Variants in TRIM37 observed in about 807,000 individuals in gnomAD.
The protein encoded by TRIM37 is tripartite motif containing 37.
TRIM37 carries 80 observed loss-of-function variants against 129.8 expected under a neutral mutation model. The ratio of observed to expected loss-of-function variants is 0.62; its 90% confidence interval spans 0.51 to 0.74. The LOEUF (loss-of-function observed/expected upper bound fraction) is 0.74. Ranked by LOEUF, TRIM37 falls within the 30% of genes least tolerant of loss-of-function variation. TRIM37 has a pLI of 0.00. For synonymous variants in TRIM37, 389 were observed against 387.1 expected, an observed-to-expected ratio of 1.00 and a Z score of -0.06; for missense variants, 1,054 against 1,176.5, an observed-to-expected ratio of 0.90 and a Z score of 1.52.
chr17:59,031,797 C>T (rs2073065564), intron 18 of TRIM37, 99 bp downstream of exon 18: 3 of 1,202,236 alleles, frequency 2.5e-6, no homozygotes, highest in East Asian at 2.4e-5. Context: ...CACAGAAATA[C>T]ACCATGTTCC....
chr17:59,087,979 C>T (rs2043926640), intron 4 of TRIM37: 1 of 533,864 alleles, frequency 1.9e-6, no homozygotes, highest in East Asian at 3.2e-5. Context: ...ATCACTGTGT[C>T]CCCATTAAAC....
At chr17:58,978,986 A>C (rs984659516), downstream of TRIM37, among the ~76,000 whole-genome samples, 13 of 152,118 alleles carry the variant, frequency 8.5e-5, no homozygotes, top group Non-Finnish European at 1.6e-4. Flanking sequence ...ACTCCCTAAC[A>C]GTTGCCTCTG....
intron 8 of TRIM37, among the ~76,000 whole-genome samples, chr17:59,073,764 T>C (rs2042583688): frequency 6.6e-6 from 1 of 152,214 alleles, no homozygotes; most frequent in Non-Finnish European, 1.5e-5. Flanking sequence ...ATCTCAATAC[T>C]GTTTTGTTAA....
rs35675752 is a variant in TRIM37, at chr17:59,007,231, C to CCACACACACACACACACACACACA, written c.2695+5096_2695+5097insTGTGTGTGTGTGTGTGTGTGTGTG. 3.3e-4 allele frequency among the ~76,000 whole-genome samples: 32 copies of CCACACACACACACACACACACACA among 97,546 alleles called. 1 individual carries two copies. The highest frequency in any genetic ancestry group is 1.2e-3 in the African/African-American group (29 of 24,294). 64.0% of individuals were successfully genotyped at this position (97,546 alleles called of 152,430 possible). ...CTAAAACCACCCCACCCCCACCCAC[C>CCACACACACACACACACACACACA]CACACACACACACACGTTCCTGATG... On this transcript the variant is annotated intron_variant, in intron 22 of 23. Transcript: ENST00000262294.
downstream of TRIM37, among the ~76,000 whole-genome samples, chr17:58,979,181 A>G (rs183322576): frequency 3.9e-5 from 6 of 152,328 alleles, no homozygotes; most frequent in Non-Finnish European, 5.9e-5. Flanking sequence ...ATGCACAATA[A>G]CAATAAAGAC....
chr17:58,995,009 A>G (rs539084333), downstream of TRIM37, among the ~76,000 whole-genome samples: 79 of 152,174 alleles, frequency 5.2e-4, no homozygotes, highest in Non-Finnish European at 7.5e-4. Context: ...TCAGCCTCCC[A>G]AAGTACTGGG....
chr17:59,097,345 A>G (rs994734860), intron 2 of TRIM37, among the ~76,000 whole-genome samples: 5 of 152,122 alleles, frequency 3.3e-5, no homozygotes, highest in Non-Finnish European at 7.3e-5. Context: ...AAGAAGTGAA[A>G]TTATCTTTTT....
chr17:59,037,358 A>G (rs549674031), intron 17 of TRIM37, among the ~76,000 whole-genome samples: 51 of 151,796 alleles, frequency 3.4e-4, no homozygotes, highest in Non-Finnish European at 6.6e-4. Flanking sequence ...GGAGATCGAG[A>G]CCATCCTGGC....
Position 59,062,790 on chromosome 17 carries a change from C to T in TRIM37, c.861-142G>A, listed in dbSNP as rs190713118. 5.2e-5 allele frequency: 37 copies of T among 707,444 alleles called. No individual in the cohort carries two copies. The East Asian group carries it at 8.9e-4, about 17-fold the overall frequency. 43.8% of individuals were successfully genotyped at this position (707,444 alleles called of 1,614,324 possible). On this transcript the variant is annotated intron_variant, in intron 10 of 23. Transcript: ENST00000262294. ...CAAGGTGACTGAACAGGTCAAAATT[C>T]CACTGTAAAAGTTTAGATATGCTTA...
Position 59,104,376 on chromosome 17 carries a change from G to T in TRIM37, c.40C>A (p.Arg14=). The change falls in exon 2 of 24, where the codon CGA becomes AGA. Residue 14 remains arginine (R), a synonymous_variant. Coordinates refer to ENST00000262294, the MANE Select transcript of TRIM37 (RefSeq NM_015294.6). ...AATTTCTCCATACAAATGAAACATC[G>T]GAAAACCTCAGCAATGCTCTGAAAA... is the stretch of plus-strand genomic sequence containing the variant. ...QSVESIAEVF[R]CFICMEKLRD... 1 of 1,614,080 alleles carries T rather than the reference G, an allele frequency of 6.2e-7. No homozygotes were observed. The highest frequency in any genetic ancestry group is 8.5e-7 in the Non-Finnish European group (1 of 1,180,024).
In TRIM37 at chr17:59,045,545, A is replaced by C. The variant is rs191218941; in HGVS notation, c.1667+2138T>G. ...TCCCAGCTACTTGGGAGGCTGAGGC[A>C]GGAGAATCGCCTGAACCCGGGAGGC... On this transcript the variant is annotated intron_variant, in intron 16 of 23. Transcript: ENST00000262294. Among the ~76,000 whole-genome samples, 1,473 of 150,706 alleles carry C rather than the reference A, an allele frequency of 9.8e-3. 17 individuals carry two copies. Among genetic ancestry groups the C allele is most frequent in the African/African-American group, 0.034 (1,414 of 41,050 alleles).
intron 5 of TRIM37, 53 bp from the exon 6 acceptor site, chr17:59,081,272 A>G: frequency 6.3e-7 from 1 of 1,596,224 alleles, no homozygotes; most frequent in South Asian, 1.1e-5. Context: ...ATCTGCATTT[A>G]CATTCCTTTG....
At chr17:59,014,620 C>G (rs886783349) in intron 21 of TRIM37, among the ~76,000 whole-genome samples, 17 of 151,286 alleles carry the variant, frequency 1.1e-4, no homozygotes, top group Admixed American at 8.6e-4. Context: ...GTTAAAGTTG[C>G]TGTAAGTGCT....
At chr17:59,062,460 A>T (rs1007865264) in intron 11 of TRIM37, 107 bp downstream of exon 11, 4 of 905,432 alleles carry the variant, frequency 4.4e-6, no homozygotes, top group Admixed American at 2.1e-5. Context: ...AGCATATGTA[A>T]CAAAAAAAAG....
At chr17:59,062,881 A>G (rs1001105426) in intron 10 of TRIM37, among the ~76,000 whole-genome samples, 7 of 152,120 alleles carry the variant, frequency 4.6e-5, no homozygotes, top group South Asian at 2.1e-4. Context: ...GTTTCAGGGG[A>G]AAAAAAACCC....
rs766059485 is a variant in TRIM37 at position 59,079,820 on chromosome 17, T to G, written c.550A>C (p.Asn184His). The change falls in exon 7 of 24, where the codon AAT becomes CAT. Residue 184 changes from asparagine (N) to histidine (H), a missense_variant. Physicochemically the swap from Asn to His is moderately conservative, Grantham distance 68. Around this residue, in one of 3 missense-constraint regions of TRIM37, gnomAD observed 752 missense variants for 870.8 expected, o/e 0.86. Coordinates refer to ENST00000262294, the MANE Select transcript of TRIM37 (RefSeq NM_015294.6). ...CGTGCAATCATCATCTCCACTGCAT[T>G]CCTAATTTCCCGAACACGCTCATCT... ...AKDERVREIR[N>H]AVEMMIARLD... The G allele has an allele frequency of 6.2e-7, 1 of 1,614,094 alleles. No individual in the cohort carries two copies. Among genetic ancestry groups the G allele is most frequent in the Non-Finnish European group, 8.5e-7 (1 of 1,179,972 alleles).
At chr17:59,055,685 C>CAAAAAA (rs934273591) in intron 13 of TRIM37, among the ~76,000 whole-genome samples, 31 of 23,670 alleles carry the variant, frequency 1.3e-3, no homozygotes, top group South Asian at 1.9e-3. Flanking sequence ...GACTCCATCT[C>CAAAAAA]AAAAAAAAAA....
intron 5 of TRIM37, among the ~76,000 whole-genome samples, chr17:59,082,788 G>A (rs1826161745): frequency 6.6e-6 from 1 of 152,210 alleles, no homozygotes; most frequent in South Asian, 2.1e-4. Flanking sequence ...CTCCAAAAAA[G>A]ATGTAGATTT....
At chr17:59,068,306 G>A (rs960324901) in intron 9 of TRIM37, among the ~76,000 whole-genome samples, 3 of 152,172 alleles carry the variant, frequency 2.0e-5, no homozygotes, top group Admixed American at 6.5e-5. Flanking sequence ...TACTTAGAGT[G>A]CTCAAGACGC....
Sources: allele counts gnomAD v4.1 joint callset (sites outside exome capture counted in the v4.1 genomes callset), GRCh38; gene constraint gnomAD v4.1.1; regional missense constraint gnomAD v4.1.1; transcripts MANE v1.5; gene names NCBI Gene and HGNC (gene_info 2026-07-23, HGNC 2026-07-21).